The following ATG14 variants were observed in gnomAD, a reference collection of about 807,000 sequenced individuals.
The protein encoded by ATG14 is beclin 1-associated autophagy-related key regulator.
ATG14 carries 35 observed loss-of-function variants against 60.4 expected under a neutral mutation model. The observed-to-expected ratio is 0.58, with a 90% CI of 0.44 to 0.77. The LOEUF (loss-of-function observed/expected upper bound fraction) is 0.77. Ranked by LOEUF, ATG14 falls within the 30% of genes least tolerant of loss-of-function variation. The pLI, the probability that ATG14 is intolerant of heterozygous loss-of-function variation, is 0.00. For synonymous variants in ATG14, 234 were observed against 228.8 expected, an observed-to-expected ratio of 1.02 and a Z score of -0.21; for missense variants, 647 against 626.3, an observed-to-expected ratio of 1.03 and a Z score of -0.35.
At chr14:55,407,192 G>T (rs1209819031) in intron 1 of ATG14, among the ~76,000 whole-genome samples, 2 of 152,118 alleles carry the variant, frequency 1.3e-5, no homozygotes, top group Non-Finnish European at 2.9e-5. Flanking sequence ...GCAATGGTGT[G>T]ATCTTGGCTC....
chr14:55,369,777 G>C lies in ATG14; in HGVS notation c.1321C>G (p.Pro441Ala). ...LGTDWENLPS[P>A]RFCDIPSQSV... is the part of the protein sequence containing the mutation. ...TGGGAAGGGATATCACAAAACCGGG[G>C]ACTAGGCAAGTTCTCCCAGTCTGTG... is the stretch of plus-strand genomic sequence containing the variant. Residue 441 changes from proline (P) to alanine (A), a missense_variant, in exon 10 of 10, where the codon CCC becomes GCC. Physicochemically the swap from Pro to Ala is conservative, Grantham distance 27. Coordinates refer to ENST00000247178, the MANE Select transcript of ATG14 (RefSeq NM_014924.5). 3.7e-6 allele frequency: 6 copies of C among 1,614,188 alleles called. No individual in the cohort carries two copies. The highest frequency in any genetic ancestry group is 5.1e-6 in the Non-Finnish European group (6 of 1,180,026).
In ATG14 at chr14:55,368,085, A is replaced by G. The variant is rs1884723388; in HGVS notation, c.*1534T>C. ...GGATTTCTTTTGGTAGTTGTTACAT[A>G]GGATTTTTTTGCAGTTATTAAAAAT... is the stretch of plus-strand genomic sequence containing the variant. On this transcript the variant is annotated 3_prime_UTR_variant, in exon 10 of 10. Coordinates refer to ENST00000247178, the MANE Select transcript of ATG14 (RefSeq NM_014924.5). 1 of 147,888 alleles carries G rather than the reference A, an allele frequency of 6.8e-6. No individual in the cohort carries two copies. Among genetic ancestry groups the G allele is most frequent in the Admixed American group, 6.8e-5 (1 of 14,748 alleles). 9.2% of individuals were successfully genotyped at this position (147,888 alleles called of 1,614,324 possible). A position where few individuals can be genotyped will look rare whatever the true frequency, so the allele number is the denominator to read the frequency against.
chr14:55,392,019 C>G (rs1453562536), intron 3 of ATG14, among the ~76,000 whole-genome samples: 2 of 152,110 alleles, frequency 1.3e-5, no homozygotes, highest in Non-Finnish European at 2.9e-5. Context: ...TTTTTTGGCA[C>G]CAGGGACCAG....
chr14:55,393,197 C>A (rs1033490890), intron 3 of ATG14, among the ~76,000 whole-genome samples: 4 of 150,394 alleles, frequency 2.7e-5, no homozygotes, highest in Non-Finnish European at 5.9e-5. Flanking sequence ...CTGGCTAACA[C>A]GGTGAAACCC....
chr14:55,390,858 A>C, intron 4 of ATG14, 53 bp downstream of exon 4: 1 of 1,286,084 alleles, frequency 7.8e-7, no homozygotes, highest in Non-Finnish European at 1.1e-6. Context: ...TAATCCCATG[A>C]AATTCCACAT....
In ATG14 at chr14:55,385,854, T is replaced by C. The variant is rs773204955; in HGVS notation, c.647+5A>G. 6 of 1,599,894 alleles carry C rather than the reference T, an allele frequency of 3.8e-6. No homozygotes were observed. In the East Asian group the frequency reaches 1.1e-4, roughly 30 times the overall value. On this transcript the variant is annotated splice_donor_5th_base_variant and intron_variant, in intron 5 of 9. Coordinates refer to ENST00000247178, the MANE Select transcript of ATG14 (RefSeq NM_014924.5). Reference sequence around the variant, plus strand: ...TCCTGGAGTCAAAAGACTTGCTTAATGTACCTCACACCCGTCTTTACTTCC... The same window carrying C: ...TCCTGGAGTCAAAAGACTTGCTTAACGTACCTCACACCCGTCTTTACTTCC...
rs756049156 is a variant in ATG14 at position 55,385,881 on chromosome 14, C to T, written c.625G>A (p.Glu209Lys). 53 of 1,611,892 alleles carry T rather than the reference C, an allele frequency of 3.3e-5. No individual in the cohort carries two copies. The highest frequency in any genetic ancestry group is 4.2e-5 in the Non-Finnish European group (50 of 1,178,774). Residue 209 changes from glutamate (E) to lysine (K), a missense_variant, in exon 5 of 10, where the codon GAG becomes AAG. Transcript: ENST00000247178. Reference protein sequence around the residue: ...LELTSVIFPIEEVKTGVRDPA... With the variant: ...LELTSVIFPIKEVKTGVRDPA... ...TACCTCACACCCGTCTTTACTTCCT[C>T]GATTGGAAAAATGACAGAGGTGAGC...
At chr14:55,372,467 G>C (rs1368788692) in intron 9 of ATG14, among the ~76,000 whole-genome samples, 1 of 152,094 alleles carries the variant, frequency 6.6e-6, no homozygotes, top group Non-Finnish European at 1.5e-5. Context: ...CTGACTGCCA[G>C]GCTAAGTCTC....
intron 1 of ATG14, among the ~76,000 whole-genome samples, chr14:55,400,290 C>G (rs1204391254): frequency 2.0e-5 from 3 of 152,064 alleles, no homozygotes; most frequent in Non-Finnish European, 4.4e-5. Flanking sequence ...ATATTCAAAC[C>G]AAATTTAATG....
chr14:55,397,953 T>TG (rs1216276670), intron 1 of ATG14, among the ~76,000 whole-genome samples: 1 of 146,038 alleles, frequency 6.8e-6, no homozygotes, highest in East Asian at 2.0e-4. Context: ...CTTTTTTTTT[T>TG]TTTTTTTTTT....
At chr14:55,391,065 C>T in intron 3 of ATG14, 73 bp from the exon 4 acceptor site, 1 of 986,386 alleles carries the variant, frequency 1.0e-6, no homozygotes. Context: ...CCTGGGATCA[C>T]TGCTTATTTT....
intron 2 of ATG14, 46 bp from the exon 3 acceptor site, chr14:55,396,028 T>A: frequency 7.0e-7 from 1 of 1,432,664 alleles, no homozygotes; most frequent in South Asian, 1.3e-5. Context: ...AATAATAAAA[T>A]TCTGTGAAGT....
Position 55,379,954 on chromosome 14 carries a change from A to G in ATG14, c.995+619T>C, listed in dbSNP as rs192885111. On this transcript the variant is annotated intron_variant, in intron 7 of 9. Transcript: ENST00000247178. Reference sequence around the variant, plus strand: ...TTATTAAAAAACAACAACAACAAACAAAAAGAATTCAGGGCAGGGCACAGT... The same window carrying G: ...TTATTAAAAAACAACAACAACAAACGAAAAGAATTCAGGGCAGGGCACAGT... Among the ~76,000 whole-genome samples, 4 of 152,336 alleles carry G rather than the reference A, an allele frequency of 2.6e-5. No homozygotes were observed. The East Asian group carries it at 7.7e-4, about 29-fold the overall frequency.
intron 4 of ATG14, among the ~76,000 whole-genome samples, chr14:55,387,794 G>A (rs764639777): frequency 6.6e-6 from 1 of 151,876 alleles, no homozygotes; most frequent in African/African-American, 2.4e-5. Context: ...CCAGCATCCT[G>A]AGTAGCTAGG....
chr14:55,378,021 T>C lies in ATG14; in HGVS notation c.1049A>G (p.Lys350Arg), dbSNP rs756359175. The C allele has an allele frequency of 6.2e-7, 1 of 1,613,226 alleles. No individual in the cohort carries two copies. Among genetic ancestry groups the C allele is most frequent in the South Asian group, 1.1e-5 (1 of 91,034 alleles). ...SKQKFTRAVK[K>R]LNANILYLCF... ...AAGGTAAAGAATATTTGCATTCAGT[T>C]TCTTCACTGCTCGAGTAAATTTCTG... The change falls in exon 8 of 10, where the codon AAA (lysine) becomes AGA (arginine). Residue 350 changes from lysine to arginine, a missense_variant. Transcript: ENST00000247178.
In ATG14 at chr14:55,382,264, A is replaced by T. The variant is rs1594778657; in HGVS notation, c.648-73T>A. The T allele has an allele frequency of 6.7e-6, 9 of 1,345,084 alleles. No individual in the cohort carries two copies. In the East Asian group the frequency reaches 2.1e-4, roughly 31 times the overall value. 83.3% of individuals were successfully genotyped at this position (1,345,084 alleles called of 1,614,324 possible). On this transcript the variant is annotated intron_variant, in intron 5 of 9. Coordinates refer to ENST00000247178, the MANE Select transcript of ATG14 (RefSeq NM_014924.5). ...AGGGCATGCAATATAACTGCAAGACATGCTAGAACATCGAAAAGCTGCCTA... is the reference window on the plus strand; with the variant it reads ...AGGGCATGCAATATAACTGCAAGACTTGCTAGAACATCGAAAAGCTGCCTA...
chr14:55,398,543 T>C (rs1885351608), intron 1 of ATG14, among the ~76,000 whole-genome samples: 1 of 152,212 alleles, frequency 6.6e-6, no homozygotes, highest in Admixed American at 6.5e-5. Flanking sequence ...TAGAAGCATA[T>C]TGTTTAATTT....
chr14:55,369,373 C>G lies in ATG14; in HGVS notation c.*246G>C. The G allele has an allele frequency of 3.1e-6, 1 of 325,984 alleles. No homozygotes were observed. Among genetic ancestry groups the G allele is most frequent in the African/African-American group, 2.1e-5 (1 of 47,460 alleles). The allele number at this position is 325,984 out of a possible 1,614,324, so 20.2% of individuals were successfully genotyped here. ...CCACACGCACAGGTCCTCCTTCCAC[C>G]AGCACTGGTCTGGGTAGAAAGACCT... is the stretch of plus-strand genomic sequence containing the variant. On this transcript the variant is annotated 3_prime_UTR_variant, in exon 10 of 10. Coordinates refer to ENST00000247178, the MANE Select transcript of ATG14 (RefSeq NM_014924.5).
chr14:55,400,543 G>A (rs566261369), intron 1 of ATG14, among the ~76,000 whole-genome samples: 12 of 152,246 alleles, frequency 7.9e-5, no homozygotes, highest in Admixed American at 2.6e-4. Context: ...GATCAGTAAC[G>A]ATACAAGTGA....
Sources: allele counts gnomAD v4.1 joint callset (sites outside exome capture counted in the v4.1 genomes callset), GRCh38; gene constraint gnomAD v4.1.1; transcripts MANE v1.5; gene names NCBI Gene and HGNC (gene_info 2026-07-23, HGNC 2026-07-21).